Variants in GALNTL6 observed in about 807,000 individuals in gnomAD.
GALNTL6 encodes polypeptide N-acetylgalactosaminyltransferase like 6.
In GALNTL6, 46 loss-of-function variants were observed where a neutral mutation model predicts 73.7. The observed-to-expected ratio is 0.62, with a 90% CI of 0.49 to 0.80. GALNTL6 has a LOEUF of 0.80. Among genes scored for constraint, GALNTL6 ranks in the 30% least tolerant of loss-of-function variants. The pLI is 0.00. For synonymous variants in GALNTL6, 259 were observed against 263.7 expected, an observed-to-expected ratio of 0.98 and a Z score of 0.17; for missense variants, 604 against 755.0, an observed-to-expected ratio of 0.80 and a Z score of 2.34.
At chr4:172,760,937 G>T (rs1321130570) in intron 5 of GALNTL6, among the ~76,000 whole-genome samples, 1 of 152,178 alleles carries the variant, frequency 6.6e-6, no homozygotes. Context: ...GGAGCCAATG[G>T]ATTAAAAGGA....
intron 3 of GALNTL6, among the ~76,000 whole-genome samples, chr4:172,272,502 T>G (rs961481032): frequency 2.0e-5 from 3 of 152,152 alleles, no homozygotes; most frequent in Non-Finnish European, 4.4e-5. Context: ...AACTATAACA[T>G]GATGATGTTT....
chr4:172,926,499 T>G (rs937287820), intron 8 of GALNTL6, among the ~76,000 whole-genome samples: 1 of 152,206 alleles, frequency 6.6e-6, no homozygotes. Context: ...AAGTGAAGAA[T>G]AGGTTAAGGC....
intron 5 of GALNTL6, among the ~76,000 whole-genome samples, chr4:172,753,907 C>G (rs1015215015): frequency 6.6e-6 from 1 of 151,940 alleles, no homozygotes; most frequent in Non-Finnish European, 1.5e-5. Flanking sequence ...TGCCCACGAG[C>G]AGCTCTGCAG....
intron 3 of GALNTL6, 78 bp downstream of exon 3, chr4:172,229,842 A>G: frequency 1.2e-6 from 1 of 848,658 alleles, no homozygotes; most frequent in Non-Finnish European, 1.9e-6. Flanking sequence ...ATCTCTAATT[A>G]GCATTTCTTC....
At chr4:173,008,441 T>C (rs950912415) in intron 10 of GALNTL6, among the ~76,000 whole-genome samples, 4 of 152,242 alleles carry the variant, frequency 2.6e-5, no homozygotes, top group African/African-American at 4.8e-5. Context: ...AACCATCCCA[T>C]GTTCTTTAGC....
chr4:171,833,583 T>TA (rs1735031950), intron 2 of GALNTL6, among the ~76,000 whole-genome samples: 1 of 151,812 alleles, frequency 6.6e-6, no homozygotes, highest in Non-Finnish European at 1.5e-5. Context: ...GAATGTTATG[T>TA]AAAATTTGTT....
At chr4:172,513,729 A>G (rs1310607284) in intron 5 of GALNTL6, among the ~76,000 whole-genome samples, 1 of 152,178 alleles carries the variant, frequency 6.6e-6, no homozygotes, top group Non-Finnish European at 1.5e-5. Context: ...GGCTGCTACT[A>G]GGGAGTGTCT....
At chr4:172,649,998 A>T (rs1485078848) in intron 5 of GALNTL6, among the ~76,000 whole-genome samples, 1 of 152,228 alleles carries the variant, frequency 6.6e-6, no homozygotes, top group African/African-American at 2.4e-5. Context: ...TTTATTAAGC[A>T]TCCTAGGTAC....
chr4:172,588,883 A>G (rs1197414909), intron 5 of GALNTL6, among the ~76,000 whole-genome samples: 1 of 152,198 alleles, frequency 6.6e-6, no homozygotes, highest in African/African-American at 2.4e-5. Context: ...ACCATAATGA[A>G]GGCAATGGTG....
At chr4:172,654,898 A>G (rs911759283) in intron 5 of GALNTL6, among the ~76,000 whole-genome samples, 2 of 152,200 alleles carry the variant, frequency 1.3e-5, no homozygotes, top group Non-Finnish European at 1.5e-5. Flanking sequence ...TTAACCATTT[A>G]ATCCTCACGA....
rs28813755 is a variant in GALNTL6 at position 171,987,124 on chromosome 4, G to A, written c.138+172406G>A. On this transcript the variant is annotated intron_variant, in intron 2 of 12. Coordinates refer to ENST00000506823, the MANE Select transcript of GALNTL6 (RefSeq NM_001034845.3). ...GAGCATCTATACAGGAGCTCAAATG[G>A]GCTGTACCCTGTAGCATTCTGAGGA... 6.5e-3 allele frequency among the ~76,000 whole-genome samples: 987 copies of A among 152,240 alleles called. 12 individuals carry two copies. Among genetic ancestry groups the A allele is most frequent in the African/African-American group, 0.021 (870 of 41,528 alleles).
intron 2 of GALNTL6, among the ~76,000 whole-genome samples, chr4:172,075,980 C>G (rs1266432798): frequency 6.6e-6 from 1 of 152,166 alleles, no homozygotes; most frequent in Non-Finnish European, 1.5e-5. Flanking sequence ...TCACACAGAT[C>G]ATTTAGTTTG....
chr4:172,353,666 C>A (rs1018182524), intron 5 of GALNTL6, among the ~76,000 whole-genome samples: 2 of 151,624 alleles, frequency 1.3e-5, no homozygotes, highest in African/African-American at 4.8e-5. Flanking sequence ...ATCTATTTTG[C>A]TTTGGAATCA....
intron 5 of GALNTL6, among the ~76,000 whole-genome samples, chr4:172,513,930 C>A (rs1734515429): frequency 6.6e-6 from 1 of 152,162 alleles, no homozygotes; most frequent in Admixed American, 6.5e-5. Flanking sequence ...TACTGAGGAT[C>A]TCTGGTTAGA....
chr4:172,105,762 G>A (rs573272160), intron 2 of GALNTL6, among the ~76,000 whole-genome samples: 1 of 152,002 alleles, frequency 6.6e-6, no homozygotes, highest in Non-Finnish European at 1.5e-5. Context: ...ATGAAATAAA[G>A]AATTTTTTGA....
intron 2 of GALNTL6, among the ~76,000 whole-genome samples, chr4:171,988,183 GCA>G (rs1192785209): frequency 6.6e-6 from 1 of 152,188 alleles, no homozygotes; most frequent in African/African-American, 2.4e-5. Flanking sequence ...GCTACAGGGT[GCA>G]GTCCTGGCTC....
intron 5 of GALNTL6, among the ~76,000 whole-genome samples, chr4:172,490,374 C>A (rs1007570777): frequency 2.0e-5 from 3 of 152,034 alleles, no homozygotes; most frequent in African/African-American, 7.2e-5. Flanking sequence ...TCAATTCATA[C>A]CCCAAAAATA....
At chr4:171,987,996 T>C (rs561636400) in intron 2 of GALNTL6, among the ~76,000 whole-genome samples, 1 of 152,262 alleles carries the variant, frequency 6.6e-6, no homozygotes, top group East Asian at 1.9e-4. Flanking sequence ...GAGCAGAAAG[T>C]ATATGCGTCA....
At chr4:172,164,045 C>T (rs893121012) in intron 2 of GALNTL6, among the ~76,000 whole-genome samples, 8 of 151,632 alleles carry the variant, frequency 5.3e-5, no homozygotes, top group East Asian at 3.9e-4. Context: ...TGGAAGTTTA[C>T]GAGAGGATCT....
Sources: allele counts gnomAD v4.1 joint callset (sites outside exome capture counted in the v4.1 genomes callset), GRCh38; gene constraint gnomAD v4.1.1; transcripts MANE v1.5; gene names NCBI Gene and HGNC (gene_info 2026-07-23, HGNC 2026-07-21).